The following OTOGL variants were observed in gnomAD, a reference collection of about 807,000 sequenced individuals.
OTOGL encodes otogelin like, also known as otogelin-like protein.
Under a neutral mutation model 318.5 loss-of-function variants are expected in OTOGL, and 285 were observed. The observed-to-expected ratio is 0.89, with a 90% CI of 0.81 to 0.99. The LOEUF (loss-of-function observed/expected upper bound fraction) is 0.99. Ranked by LOEUF, OTOGL falls within the 50% of genes least tolerant of loss-of-function variation. The pLI, the probability that OTOGL is intolerant of heterozygous loss-of-function variation, is 0.00. For synonymous variants in OTOGL, 987 were observed against 936.5 expected (o/e 1.05, Z -0.99); for missense variants, 2,899 against 2,845.6 (o/e 1.02, Z -0.43).
intron 3 of OTOGL, 104 bp from the exon 4 acceptor site, chr12:80,211,845 A>C: frequency 2.2e-6 from 2 of 929,808 alleles, no homozygotes; most frequent in Non-Finnish European, 3.2e-6. Flanking sequence ...CTCTTTGATA[A>C]AGTGATGGAA....
At chr12:80,161,890 A>G (rs571842420) in intron 1 of OTOGL, among the ~76,000 whole-genome samples, 77 of 152,300 alleles carry the variant, frequency 5.1e-4, no homozygotes, top group African/African-American at 1.8e-3. Flanking sequence ...ATTTGAAATT[A>G]GCATATAGAA....
chr12:80,299,585 T>G (rs1268257251), intron 27 of OTOGL, among the ~76,000 whole-genome samples: 1 of 149,938 alleles, frequency 6.7e-6, no homozygotes, highest in Non-Finnish European at 1.5e-5. Context: ...TATTTTATGG[T>G]AGATGGACCA....
intron 1 of OTOGL, among the ~76,000 whole-genome samples, chr12:80,108,366 G>A (rs1869583007): frequency 1.3e-5 from 2 of 151,962 alleles, no homozygotes; most frequent in Admixed American, 1.3e-4. Context: ...GTAGTGGTAA[G>A]TGGGTGGAAT....
intron 9 of OTOGL, 83 bp downstream of exon 9, chr12:80,233,180 G>A (rs1364755675): frequency 1.6e-6 from 2 of 1,285,254 alleles, no homozygotes; most frequent in African/African-American, 3.0e-5. Flanking sequence ...CAGAAGACTT[G>A]TCATAGCTTT....
chr12:80,214,752 C>T (rs1295274012), intron 4 of OTOGL, among the ~76,000 whole-genome samples: 2 of 152,024 alleles, frequency 1.3e-5, no homozygotes, highest in African/African-American at 4.8e-5. Context: ...CCATCTGTTA[C>T]GGAGGTAGGC....
chr12:80,210,920 CAT>C, intron 3 of OTOGL, 34 bp downstream of exon 3: 1 of 1,405,860 alleles, frequency 7.1e-7, no homozygotes, highest in East Asian at 2.7e-5. Context: ...TCCTCTAAAA[CAT>C]AAAGTTAATG....
At chr12:80,276,437 CT>C (rs1883814897) in intron 24 of OTOGL, among the ~76,000 whole-genome samples, 1 of 151,578 alleles carries the variant, frequency 6.6e-6, no homozygotes, top group East Asian at 1.9e-4. Flanking sequence ...TCTTATTGTT[CT>C]TATAGTTATT....
intron 34 of OTOGL, 33 bp from the exon 35 acceptor site, chr12:80,323,678 CTATGTATTAAAT>C (rs745750002): frequency 2.2e-6 from 3 of 1,389,194 alleles, no homozygotes; most frequent in Non-Finnish European, 1.0e-6. Flanking sequence ...AGTTTTCAAG[CTATGTATTAAAT>C]ATGCACACAA....
At chr12:80,267,565 C>A (rs1883090412) in intron 22 of OTOGL, among the ~76,000 whole-genome samples, 1 of 111,150 alleles carries the variant, frequency 9.0e-6, no homozygotes, top group Non-Finnish European at 1.8e-5. Context: ...CCCCTCCCCC[C>A]ACCCCACAAC....
intron 43 of OTOGL, among the ~76,000 whole-genome samples, chr12:80,339,957 C>T (rs752760349): frequency 3.9e-5 from 6 of 152,104 alleles, no homozygotes; most frequent in Non-Finnish European, 8.8e-5. Context: ...ACAGGTTATT[C>T]TCTTTACAGT....
At chr12:80,296,390 A>G (rs1885396944) in intron 26 of OTOGL, among the ~76,000 whole-genome samples, 1 of 152,362 alleles carries the variant, frequency 6.6e-6, no homozygotes, top group East Asian at 1.9e-4. Context: ...AACAAATACC[A>G]AAGTTTTGTA....
chr12:80,189,492 T>C (rs1204138477), intron 1 of OTOGL: 5 of 977,882 alleles, frequency 5.1e-6, no homozygotes, highest in Non-Finnish European at 4.9e-6. Context: ...CTGCCCCCTT[T>C]AGCAAAAATT....
At chr12:80,305,778 T>A in intron 29 of OTOGL, 83 bp downstream of exon 29, 1 of 1,095,090 alleles carries the variant, frequency 9.1e-7, no homozygotes, top group Non-Finnish European at 1.2e-6. Context: ...CTTATTTAGG[T>A]AATATTATTT....
rs1340878636 is a variant in OTOGL at position 80,379,305 on chromosome 12, G to A, written c.*1257G>A. 2 of 151,950 alleles carry A rather than the reference G, an allele frequency of 1.3e-5. No homozygotes were observed. Among genetic ancestry groups the A allele is most frequent in the East Asian group, 1.9e-4 (1 of 5,200 alleles). The allele number at this position is 151,950 out of a possible 1,614,324, so 9.4% of individuals were successfully genotyped here. ...AAGAACAGTAAAGTCTCATTGCAAAGCAGATACTGGGCCTCAAGGGTGGGC... is the reference window on the plus strand; with the variant it reads ...AAGAACAGTAAAGTCTCATTGCAAAACAGATACTGGGCCTCAAGGGTGGGC... On this transcript the variant is annotated 3_prime_UTR_variant, in exon 59 of 59. Coordinates refer to ENST00000547103, the MANE Select transcript of OTOGL (RefSeq NM_001378609.3).
Position 80,267,346 on chromosome 12 carries a change from G to C in OTOGL, c.2465+19G>C, listed in dbSNP as rs1392030945. 4 of 1,407,814 alleles carry C rather than the reference G, an allele frequency of 2.8e-6. No homozygotes were observed. The highest frequency in any genetic ancestry group is 2.9e-6 in the Non-Finnish European group (3 of 1,033,148). The allele number at this position is 1,407,814 out of a possible 1,614,324, so 87.2% of individuals were successfully genotyped here. A position where few individuals can be genotyped will look rare whatever the true frequency, so the allele number is the denominator to read the frequency against. ...GCTTATGGTAGGTTTCAATGATGGG[G>C]ATTGTGTTTGACAAATGATGTATGT... is the stretch of plus-strand genomic sequence containing the variant. On this transcript the variant is annotated intron_variant, in intron 22 of 58. Transcript: ENST00000547103.
chr12:80,369,023 T>A (rs10746155), intron 55 of OTOGL, among the ~76,000 whole-genome samples: 120,596 of 151,206 alleles, frequency 0.8, 48,501 homozygotes, highest in South Asian at 0.88. Flanking sequence ...AGGAAAAAAA[T>A]ATATATATGT....
At chr12:80,249,642 G>T (rs1165577989) in intron 11 of OTOGL, among the ~76,000 whole-genome samples, 1 of 152,142 alleles carries the variant, frequency 6.6e-6, no homozygotes, top group South Asian at 2.1e-4. Flanking sequence ...TGCCACCATA[G>T]GTGGAGCCTA....
intron 38 of OTOGL, among the ~76,000 whole-genome samples, chr12:80,333,281 AAAAC>A (rs1466709659): frequency 6.6e-6 from 1 of 151,878 alleles, no homozygotes; most frequent in Admixed American, 6.6e-5. Context: ...CACACTAAGA[AAAAC>A]AAAATTGAAA....
At chr12:80,254,662 T>C in intron 15 of OTOGL, 92 bp downstream of exon 15, 1 of 1,011,438 alleles carries the variant, frequency 9.9e-7, no homozygotes, top group Non-Finnish European at 1.5e-6. Flanking sequence ...ACATCTCATA[T>C]ATACCAAGGG....
Sources: allele counts gnomAD v4.1 joint callset (sites outside exome capture counted in the v4.1 genomes callset), GRCh38; gene constraint gnomAD v4.1.1; transcripts MANE v1.5; gene names NCBI Gene and HGNC (gene_info 2026-07-23, HGNC 2026-07-21).